Variants in CACNG3 observed in about 807,000 individuals in gnomAD.
The protein encoded by CACNG3 is voltage-dependent calcium channel gamma-3 subunit.
In CACNG3, 3 loss-of-function variants were observed where a neutral mutation model predicts 28.5. The ratio of observed to expected loss-of-function variants is 0.11; its 90% CI spans 0.05 to 0.27. The LOEUF (loss-of-function observed/expected upper bound fraction) is 0.27. Ranked by LOEUF, CACNG3 falls within the 10% of genes least tolerant of loss-of-function variation. The probability of loss-of-function intolerance (pLI) is 1.00; values close to 1 mark genes in which losing one functional copy is unlikely to be tolerated. For synonymous variants in CACNG3, 174 were observed against 162.2 expected (o/e 1.07, Z -0.55); for missense variants, 236 against 414.4 (o/e 0.57, Z 3.74).
At chr16:24,317,620 A>T (rs56177117) in intron 1 of CACNG3, among the ~76,000 whole-genome samples, 8 of 60,418 alleles carry the variant, frequency 1.3e-4, no homozygotes, top group Non-Finnish European at 2.6e-4. Context: ...GAAAGAAAGA[A>T]AGAAAGACAG....
At chr16:24,281,338 C>T (rs898733198) in intron 1 of CACNG3, among the ~76,000 whole-genome samples, 1 of 151,976 alleles carries the variant, frequency 6.6e-6, no homozygotes, top group African/African-American at 2.4e-5. Context: ...CAGGGAACTA[C>T]AGGCATGCAC....
At chr16:24,299,868 C>T (rs1331552635) in intron 1 of CACNG3, among the ~76,000 whole-genome samples, 1 of 152,040 alleles carries the variant, frequency 6.6e-6, no homozygotes, top group Non-Finnish European at 1.5e-5. Context: ...CAAGTGTGCC[C>T]TGAACCTATT....
intron 2 of CACNG3, among the ~76,000 whole-genome samples, chr16:24,348,670 C>G (rs1899901617): frequency 6.6e-6 from 1 of 152,130 alleles, no homozygotes; most frequent in Admixed American, 6.5e-5. Flanking sequence ...GCAAAATTAG[C>G]CACACTTAGA....
At chr16:24,311,971 A>G (rs1175879989) in intron 1 of CACNG3, among the ~76,000 whole-genome samples, 1 of 152,280 alleles carries the variant, frequency 6.6e-6, no homozygotes. Context: ...ATGATCAATC[A>G]TCACGTCTGT....
intron 1 of CACNG3, among the ~76,000 whole-genome samples, chr16:24,344,551 C>G (rs1397628311): frequency 1.3e-5 from 2 of 152,130 alleles, no homozygotes; most frequent in Admixed American, 6.6e-5. Flanking sequence ...ATAAATGAAA[C>G]TCTAAAATAT....
intron 2 of CACNG3, among the ~76,000 whole-genome samples, chr16:24,353,021 C>T (rs1161498212): frequency 3.3e-5 from 5 of 152,206 alleles, no homozygotes; most frequent in Admixed American, 3.3e-4. Flanking sequence ...GTTGCCCAGG[C>T]TGGAGTGTAA....
At chr16:24,293,123 G>T (rs3826255) in intron 1 of CACNG3, among the ~76,000 whole-genome samples, 27,925 of 152,190 alleles carry the variant, frequency 0.18, 2,665 homozygotes, top group South Asian at 0.33. Context: ...TCTAAGCCAA[G>T]AAGTTATTGT....
intron 1 of CACNG3, among the ~76,000 whole-genome samples, chr16:24,303,905 C>G (rs1312548169): frequency 1.3e-5 from 2 of 152,058 alleles, no homozygotes; most frequent in Non-Finnish European, 2.9e-5. Context: ...AAGACCCCAT[C>G]TCAAAAATAA....
intron 1 of CACNG3, among the ~76,000 whole-genome samples, chr16:24,319,130 C>T (rs1013744272): frequency 3.3e-5 from 5 of 151,978 alleles, no homozygotes; most frequent in South Asian, 2.1e-4. Context: ...AAAAAGAAAC[C>T]GGGTTGATTT....
At chr16:24,297,012 C>A (rs1379771530) in intron 1 of CACNG3, among the ~76,000 whole-genome samples, 1 of 152,062 alleles carries the variant, frequency 6.6e-6, no homozygotes, top group Admixed American at 6.6e-5. Flanking sequence ...CACCTGTAAT[C>A]CCAGAACTTT....
At chr16:24,298,644 A>C (rs1333287103) in intron 1 of CACNG3, among the ~76,000 whole-genome samples, 1 of 152,196 alleles carries the variant, frequency 6.6e-6, no homozygotes, top group Non-Finnish European at 1.5e-5. Context: ...GCATTGACAC[A>C]TTGTTATTAA....
chr16:24,256,578 G>A lies in CACNG3; in HGVS notation c.-177G>A, dbSNP rs1898463220. On this transcript the variant is annotated 5_prime_UTR_variant, in exon 1 of 4. It introduces an in-frame stop codon into an upstream open reading frame of the 5' UTR. Transcript: ENST00000005284. The surrounding 1 kb of genome is among the most constrained non-coding windows in gnomAD (Gnocchi z 4.6). ...AGGGCCATAGGCGACCCAGGGAACT[G>A]GAGAGAGCTCCAGAAAGGAAATCCC... 1 of 609,918 alleles carries A rather than the reference G, an allele frequency of 1.6e-6. No individual in the cohort carries two copies. Among genetic ancestry groups the A allele is most frequent in the African/African-American group, 1.8e-5 (1 of 54,250 alleles). The allele number at this position is 609,918 out of a possible 1,614,324, so 37.8% of individuals were successfully genotyped here.
At chr16:24,309,244 C>T (rs1245125778) in intron 1 of CACNG3, among the ~76,000 whole-genome samples, 3 of 152,210 alleles carry the variant, frequency 2.0e-5, no homozygotes, top group Non-Finnish European at 4.4e-5. Context: ...GCCTAATATG[C>T]ACAAGGTGCA....
intron 1 of CACNG3, among the ~76,000 whole-genome samples, chr16:24,272,124 A>T (rs1898698883): frequency 8.3e-5 from 3 of 36,002 alleles, no homozygotes; most frequent in South Asian, 1.9e-3. Context: ...TTTAACTTTA[A>T]AAAAAAAAGA....
At chr16:24,297,070 G>A (rs1278818146) in intron 1 of CACNG3, among the ~76,000 whole-genome samples, 1 of 152,038 alleles carries the variant, frequency 6.6e-6, no homozygotes, top group Non-Finnish European at 1.5e-5. Context: ...GGGCAACAAA[G>A]CGAGATCCTG....
chr16:24,337,463 A>T (rs1899727634), intron 1 of CACNG3, among the ~76,000 whole-genome samples: 2 of 152,052 alleles, frequency 1.3e-5, no homozygotes, highest in African/African-American at 4.8e-5. Context: ...GCCCCTTTTC[A>T]GCTCAAGTAC....
At chr16:24,351,347 G>A (rs1047784705) in intron 2 of CACNG3, among the ~76,000 whole-genome samples, 2 of 151,972 alleles carry the variant, frequency 1.3e-5, no homozygotes, top group African/African-American at 2.4e-5. Flanking sequence ...CAAAGCGGGT[G>A]GATCACCTGA....
intron 1 of CACNG3, among the ~76,000 whole-genome samples, chr16:24,282,929 C>G (rs1374973429): frequency 6.6e-6 from 1 of 151,986 alleles, no homozygotes; most frequent in Non-Finnish European, 1.5e-5. Flanking sequence ...AGTGGCCTGG[C>G]CTGATCTCAG....
intron 1 of CACNG3, among the ~76,000 whole-genome samples, chr16:24,318,158 C>A (rs1330969041): frequency 6.6e-6 from 1 of 152,170 alleles, no homozygotes; most frequent in Non-Finnish European, 1.5e-5. Flanking sequence ...TGGTGCTTAA[C>A]ACGTAGGAGG....
Sources: allele counts gnomAD v4.1 joint callset (sites outside exome capture counted in the v4.1 genomes callset), GRCh38; gene constraint gnomAD v4.1.1; non-coding constraint Gnocchi (gnomAD v3.1); transcripts MANE v1.5; gene names NCBI Gene and HGNC (gene_info 2026-07-23, HGNC 2026-07-21).